The following FNDC3B variants were observed in gnomAD, a reference collection of about 807,000 sequenced individuals.
FNDC3B encodes the protein fibronectin type III domain containing 3B, also known as fibronectin type III domain-containing protein 3B.
Under a neutral mutation model 151.5 loss-of-function variants are expected in FNDC3B, and 12 were observed. That is an observed-to-expected ratio of 0.08 (90% CI 0.05 to 0.13). The LOEUF (loss-of-function observed/expected upper bound fraction) is 0.13, where lower values mean the gene tolerates loss of function less well. Among genes scored for constraint, FNDC3B ranks in the 10% least tolerant of loss-of-function variants. FNDC3B has a pLI of 1.00. For synonymous variants in FNDC3B, 528 were observed against 549.0 expected (o/e 0.96, Z 0.54); for missense variants, 1,214 against 1,505.3 (o/e 0.81, Z 3.20).
intron 3 of FNDC3B, among the ~76,000 whole-genome samples, chr3:172,197,768 A>T (rs1206028625): frequency 6.6e-6 from 1 of 152,240 alleles, no homozygotes; most frequent in Non-Finnish European, 1.5e-5. Flanking sequence ...CTTTGGCAGG[A>T]ACATCACAGA....
chr3:172,183,228 A>T (rs1329114620), intron 3 of FNDC3B, among the ~76,000 whole-genome samples: 2 of 152,322 alleles, frequency 1.3e-5, no homozygotes, highest in Admixed American at 6.5e-5. Context: ...GGTTATAAAA[A>T]TTTTAAATTT....
chr3:172,400,848 C>G lies in FNDC3B; in HGVS notation c.*3373C>G, dbSNP rs1184988296. ...CTCAGCTCACTGCAACCTCCAGCTC[C>G]CAGGTTCAAGTGATTCCCCTGCCTC... is the stretch of plus-strand genomic sequence containing the variant. On this transcript the variant is annotated 3_prime_UTR_variant, in exon 26 of 26. Coordinates refer to ENST00000415807, the MANE Select transcript of FNDC3B (RefSeq NM_022763.4). 3 of 151,200 alleles carry G rather than the reference C, an allele frequency of 2.0e-5. No homozygotes were observed. The highest frequency in any genetic ancestry group is 2.9e-5 in the Non-Finnish European group (2 of 67,932). The allele number at this position is 151,200 out of a possible 1,614,324, so 9.4% of individuals were successfully genotyped here. A position where few individuals can be genotyped will look rare whatever the true frequency, so the allele number is the denominator to read the frequency against.
intron 1 of FNDC3B, among the ~76,000 whole-genome samples, chr3:172,089,673 T>TA (rs1256338063): frequency 1.3e-5 from 2 of 152,152 alleles, no homozygotes; most frequent in Admixed American, 1.3e-4. Flanking sequence ...CTTGGAACAT[T>TA]AAAAAAATCA....
chr3:172,086,218 G>A (rs981963650), intron 1 of FNDC3B, among the ~76,000 whole-genome samples: 1 of 152,020 alleles, frequency 6.6e-6, no homozygotes, highest in African/African-American at 2.4e-5. Context: ...AAATTAGCTG[G>A]GTATGGTGGC....
At chr3:172,114,172 C>T (rs908401589) in intron 2 of FNDC3B, among the ~76,000 whole-genome samples, 3 of 152,170 alleles carry the variant, frequency 2.0e-5, no homozygotes, top group Non-Finnish European at 2.9e-5. Context: ...GCCAGCCTTC[C>T]GTGTTAGTGC....
chr3:172,115,642 C>T lies in FNDC3B; in HGVS notation c.111+3052C>T, dbSNP rs114860599. Among the ~76,000 whole-genome samples the T allele has an allele frequency of 2.9e-3, 449 of 152,270 alleles. 4 individuals are homozygous for T. Among genetic ancestry groups the T allele is most frequent in the African/African-American group, 0.01 (423 of 41,550 alleles). ...CATCTTAATAAGAACCTTTTGCAGG[C>T]ACAGGATTGACTCTAGGGGTGGACA... On this transcript the variant is annotated intron_variant, in intron 2 of 25. Transcript: ENST00000415807.
chr3:172,386,579 A>G (rs1304975960), intron 25 of FNDC3B, among the ~76,000 whole-genome samples: 1 of 151,994 alleles, frequency 6.6e-6, no homozygotes. Context: ...TGTCTCTACT[A>G]AAAATACAAA....
intron 11 of FNDC3B, among the ~76,000 whole-genome samples, chr3:172,312,174 AAG>A (rs1731535824): frequency 6.6e-6 from 1 of 152,324 alleles, no homozygotes; most frequent in Non-Finnish European, 1.5e-5. Context: ...TTTGATGTGA[AAG>A]AGAGGTCCGT....
chr3:172,190,132 T>C (rs1724428343), intron 3 of FNDC3B, among the ~76,000 whole-genome samples: 1 of 152,126 alleles, frequency 6.6e-6, no homozygotes, highest in African/African-American at 2.4e-5. Flanking sequence ...CTAGAATGCT[T>C]CCTCTCTTGG....
At chr3:172,348,861 A>T (rs2108318790) in intron 21 of FNDC3B, among the ~76,000 whole-genome samples, 1 of 152,348 alleles carries the variant, frequency 6.6e-6, no homozygotes, top group African/African-American at 2.4e-5. Flanking sequence ...ACACTAAAGG[A>T]CTATTGCCAG....
At chr3:172,392,805 T>C (rs919351698) in intron 25 of FNDC3B, among the ~76,000 whole-genome samples, 3 of 85,884 alleles carry the variant, frequency 3.5e-5, no homozygotes, top group Admixed American at 3.2e-4. Flanking sequence ...TTTCTTTTTT[T>C]TTTTCTTTTT....
Position 172,247,694 on chromosome 3 carries a change from C to T in FNDC3B, c.426C>T (p.Tyr142=). ...HFIHNSHTAY[Y]PPVTGPGDMP... is the part of the protein sequence containing the mutation. ...TTCATAACTCACACACGGCTTACTA[C>T]CCACCTGTTACCGGACCTGGAGATA... The change falls in exon 5 of 26, where the codon TAC becomes TAT. Residue 142 remains tyrosine (Y), a synonymous_variant. Transcript: ENST00000415807. 1.9e-6 allele frequency: 3 copies of T among 1,614,090 alleles called. No individual in the cohort carries two copies. The highest frequency in any genetic ancestry group is 2.5e-6 in the Non-Finnish European group (3 of 1,179,990).
At chr3:172,294,364 C>G (rs904386117) in intron 7 of FNDC3B, among the ~76,000 whole-genome samples, 14 of 152,124 alleles carry the variant, frequency 9.2e-5, no homozygotes, top group African/African-American at 3.1e-4. Flanking sequence ...CTGGGAAGGC[C>G]TCAGGAGACT....
chr3:172,322,467 A>G (rs888774606), intron 11 of FNDC3B, among the ~76,000 whole-genome samples: 8 of 152,220 alleles, frequency 5.3e-5, no homozygotes, highest in African/African-American at 1.7e-4. Context: ...GGAAAGGGAC[A>G]TAGACTTAGA....
intron 22 of FNDC3B, among the ~76,000 whole-genome samples, chr3:172,357,822 C>A (rs1415754011): frequency 3.3e-5 from 5 of 152,046 alleles, no homozygotes; most frequent in Non-Finnish European, 7.4e-5. Flanking sequence ...TAAATGTTCA[C>A]GTATTTTCGC....
intron 25 of FNDC3B, among the ~76,000 whole-genome samples, chr3:172,382,320 T>C (rs565901152): frequency 3.5e-4 from 54 of 152,280 alleles, no homozygotes; most frequent in Admixed American, 7.2e-4. Context: ...GATGGGGTGG[T>C]TTTTTTCTTG....
At chr3:172,277,022 A>G (rs902191258) in intron 6 of FNDC3B, among the ~76,000 whole-genome samples, 1 of 152,172 alleles carries the variant, frequency 6.6e-6, no homozygotes, top group Non-Finnish European at 1.5e-5. Context: ...GATTGTAGTA[A>G]TGTGTTTTTG....
At chr3:172,224,983 G>A (rs921388575) in intron 3 of FNDC3B, among the ~76,000 whole-genome samples, 2 of 152,176 alleles carry the variant, frequency 1.3e-5, no homozygotes, top group African/African-American at 2.4e-5. Flanking sequence ...TTTGAAAGGT[G>A]TCTGAAGTTG....
intron 25 of FNDC3B, among the ~76,000 whole-genome samples, chr3:172,382,651 G>C (rs1386503852): frequency 6.6e-6 from 1 of 152,142 alleles, no homozygotes; most frequent in African/African-American, 2.4e-5. Flanking sequence ...TGTATAAGGG[G>C]TAAGGAAGGG....
Sources: allele counts gnomAD v4.1 joint callset (sites outside exome capture counted in the v4.1 genomes callset), GRCh38; gene constraint gnomAD v4.1.1; transcripts MANE v1.5; gene names NCBI Gene and HGNC (gene_info 2026-07-23, HGNC 2026-07-21).